The following DTD1 variants were observed in gnomAD, a reference collection of about 807,000 sequenced individuals.
DTD1 encodes the protein D-tyrosyl-tRNA deacylase 1 homolog.
A neutral mutation model predicts 25.6 loss-of-function variants in DTD1; 13 were observed. The observed-to-expected ratio is 0.51, with a 90% CI of 0.33 to 0.81. DTD1 has a LOEUF of 0.81. Ranked by LOEUF, DTD1 falls within the 30% of genes least tolerant of loss-of-function variation. DTD1 has a pLI of 0.02. For synonymous variants in DTD1, 110 were observed against 103.6 expected, an observed-to-expected ratio of 1.06 and a Z score of -0.37; for missense variants, 193 against 266.4, an observed-to-expected ratio of 0.72 and a Z score of 1.92.
chr20:18,735,324 A>G (rs543350019), intron 4 of DTD1, among the ~76,000 whole-genome samples: 1 of 152,358 alleles, frequency 6.6e-6, no homozygotes, highest in Admixed American at 6.5e-5. Context: ...GAATGGAAAC[A>G]GGGTGTGCTG....
chr20:18,669,158 C>T (rs2060942674), intron 4 of DTD1, among the ~76,000 whole-genome samples: 1 of 151,970 alleles, frequency 6.6e-6, no homozygotes. Context: ...ACATGGGGAC[C>T]AGGGGGTAGT....
intron 4 of DTD1, chr20:18,631,969 C>CTAA (rs1173260543): frequency 1.1e-6 from 1 of 910,712 alleles, no homozygotes; most frequent in Non-Finnish European, 1.3e-6. Flanking sequence ...GTCTCAAGAT[C>CTAA]TAATGTACAC....
intron 1 of DTD1, among the ~76,000 whole-genome samples, chr20:18,589,234 C>T (rs2060579272): frequency 1.5e-5 from 2 of 133,122 alleles, no homozygotes; most frequent in Admixed American, 1.6e-4. Flanking sequence ...GCCTATAATC[C>T]CAGCTACTCG....
At chr20:18,737,241 G>C (rs907886223) in intron 4 of DTD1, among the ~76,000 whole-genome samples, 1 of 151,714 alleles carries the variant, frequency 6.6e-6, no homozygotes, top group African/African-American at 2.4e-5. Flanking sequence ...ACACTGCCCT[G>C]CCATGTGCCA....
chr20:18,682,561 G>A (rs1350996022), intron 4 of DTD1, among the ~76,000 whole-genome samples: 1 of 152,182 alleles, frequency 6.6e-6, no homozygotes, highest in Non-Finnish European at 1.5e-5. Flanking sequence ...CTTGGCAGCT[G>A]TGTGTGGAAC....
At chr20:18,708,222 T>A (rs190510513) in intron 4 of DTD1, among the ~76,000 whole-genome samples, 1 of 22,848 alleles carries the variant, frequency 4.4e-5, no homozygotes, top group Non-Finnish European at 7.0e-5. Flanking sequence ...ATATATAATA[T>A]ATATATATTT....
chr20:18,702,524 C>T (rs192887495), intron 4 of DTD1, among the ~76,000 whole-genome samples: 12 of 152,176 alleles, frequency 7.9e-5, no homozygotes, highest in East Asian at 5.8e-4. Flanking sequence ...TACTAGAGAC[C>T]GCAGAGACAT....
chr20:18,695,637 C>T (rs1321573455), intron 4 of DTD1, among the ~76,000 whole-genome samples: 1 of 93,708 alleles, frequency 1.1e-5, no homozygotes, highest in African/African-American at 4.3e-5. Context: ...CTCTCTCTCT[C>T]TCCTTCTGCC....
chr20:18,745,279 C>T (rs774944732), intron 5 of DTD1, among the ~76,000 whole-genome samples: 15 of 152,170 alleles, frequency 9.9e-5, no homozygotes, highest in Non-Finnish European at 1.8e-4. Flanking sequence ...ACCTCCCTGC[C>T]TGAACATCAG....
intron 4 of DTD1, among the ~76,000 whole-genome samples, chr20:18,699,371 G>A (rs1205999695): frequency 1.3e-5 from 2 of 152,152 alleles, no homozygotes; most frequent in Admixed American, 6.6e-5. Flanking sequence ...GAACAGAGAA[G>A]GCCAGAGAAG....
chr20:18,710,910 A>C (rs2061156046), intron 4 of DTD1, among the ~76,000 whole-genome samples: 1 of 152,196 alleles, frequency 6.6e-6, no homozygotes, highest in African/African-American at 2.4e-5. Flanking sequence ...TTGAGGGTTA[A>C]GGAGGTTGGG....
At chr20:18,713,392 C>G (rs938173807) in intron 4 of DTD1, among the ~76,000 whole-genome samples, 3 of 152,202 alleles carry the variant, frequency 2.0e-5, no homozygotes, top group Admixed American at 1.3e-4. Context: ...TGCTTGAGTG[C>G]TTGATTCTCC....
intron 4 of DTD1, among the ~76,000 whole-genome samples, chr20:18,682,837 C>T (rs1349434764): frequency 6.6e-6 from 1 of 152,180 alleles, no homozygotes; most frequent in East Asian, 1.9e-4. Context: ...CTTAAATTAC[C>T]ATAGTGGTTT....
At chr20:18,650,944 A>G (rs923860887) in intron 4 of DTD1, among the ~76,000 whole-genome samples, 2 of 152,230 alleles carry the variant, frequency 1.3e-5, no homozygotes, top group African/African-American at 2.4e-5. Flanking sequence ...CCTAAATATA[A>G]AAATGTGTTA....
chr20:18,675,654 C>T (rs560108571), intron 4 of DTD1: 7 of 151,840 alleles, frequency 4.6e-5, no homozygotes, highest in East Asian at 1.9e-4. Flanking sequence ...ACCTTTAATT[C>T]TAACCTTCAC....
At chr20:18,692,526 G>T (rs1568670853) in intron 4 of DTD1, among the ~76,000 whole-genome samples, 1 of 152,204 alleles carries the variant, frequency 6.6e-6, no homozygotes, top group Non-Finnish European at 1.5e-5. Context: ...ACCATGAATG[G>T]ATCCACTCAC....
chr20:18,664,724 G>A (rs757746081), intron 4 of DTD1, among the ~76,000 whole-genome samples: 10 of 152,226 alleles, frequency 6.6e-5, no homozygotes, highest in Non-Finnish European at 7.3e-5. Flanking sequence ...GACATGGCCA[G>A]TTTGCTTTTT....
chr20:18,676,233 G>C (rs1291607464), intron 4 of DTD1, among the ~76,000 whole-genome samples: 8 of 152,140 alleles, frequency 5.3e-5, no homozygotes, highest in Non-Finnish European at 5.9e-5. Flanking sequence ...CTCATCAAGA[G>C]CTCCTCTGTG....
chr20:18,618,336 C>T (rs2086020741), intron 3 of DTD1, among the ~76,000 whole-genome samples: 1 of 151,460 alleles, frequency 6.6e-6, no homozygotes, highest in Non-Finnish European at 1.5e-5. Flanking sequence ...GTGCTTTGTC[C>T]TTTTTTTGTT....
Sources: allele counts gnomAD v4.1 joint callset (sites outside exome capture counted in the v4.1 genomes callset), GRCh38; gene constraint gnomAD v4.1.1; transcripts MANE v1.5; gene names NCBI Gene and HGNC (gene_info 2026-07-23, HGNC 2026-07-21).